The following GRAMD4 variants were observed in gnomAD, a reference collection of about 807,000 sequenced individuals.
GRAMD4 encodes GRAM domain containing 4.
A neutral mutation model predicts 83.9 loss-of-function variants in GRAMD4; 25 were observed. That is an observed-to-expected ratio of 0.30 (90% CI 0.22 to 0.42). The LOEUF is 0.42. GRAMD4 is among the 10% of genes least tolerant of loss of function. The pLI is 1.00. For synonymous variants in GRAMD4, 336 were observed against 320.9 expected, an observed-to-expected ratio of 1.05 and a Z score of -0.50; for missense variants, 593 against 788.7, an observed-to-expected ratio of 0.75 and a Z score of 2.97.
intron 1 of GRAMD4, among the ~76,000 whole-genome samples, chr22:46,612,707 G>A (rs1444229737): frequency 2.0e-5 from 3 of 152,248 alleles, no homozygotes; most frequent in Non-Finnish European, 4.4e-5. Context: ...CCTGGTGCAA[G>A]GAACCTTACT....
chr22:46,675,628 A>C lies in GRAMD4; in HGVS notation c.1563+76A>C. On this transcript the variant is annotated intron_variant, in intron 17 of 18. Transcript: ENST00000406902. ...GACAGAGGCTGGCGAGGCTTTCCCTATAGACTTCTGCCAGCCTCTGTCAGC... is the reference window on the plus strand; with the variant it reads ...GACAGAGGCTGGCGAGGCTTTCCCTCTAGACTTCTGCCAGCCTCTGTCAGC... 1.2e-5 allele frequency: 12 copies of C among 972,104 alleles called. No homozygotes were observed. The South Asian group carries it at 1.5e-4, about 13-fold the overall frequency. 60.2% of individuals were successfully genotyped at this position (972,104 alleles called of 1,614,324 possible).
At chr22:46,605,784 A>G (rs2081359580) in intron 1 of GRAMD4, among the ~76,000 whole-genome samples, 1 of 147,214 alleles carries the variant, frequency 6.8e-6, no homozygotes. Flanking sequence ...GCATCTCTGC[A>G]TGGGCCTATG....
intron 1 of GRAMD4, among the ~76,000 whole-genome samples, chr22:46,603,708 G>C (rs1465742756): frequency 1.4e-5 from 2 of 142,228 alleles, no homozygotes; most frequent in African/African-American, 2.6e-5. Context: ...AGTAGAGACG[G>C]GGTTTCAATG....
intron 3 of GRAMD4, among the ~76,000 whole-genome samples, chr22:46,640,665 T>G (rs1004675540): frequency 2.0e-5 from 3 of 152,126 alleles, no homozygotes; most frequent in African/African-American, 7.2e-5. Context: ...ATTTTTTAAT[T>G]ATGGAAAATT....
intron 10 of GRAMD4, 88 bp downstream of exon 10, chr22:46,666,961 T>C: frequency 1.1e-6 from 1 of 947,906 alleles, no homozygotes; most frequent in Non-Finnish European, 1.6e-6. Flanking sequence ...GGGAAGCCTC[T>C]GGATGAGGCC....
At chr22:46,654,447 G>T (rs929199262) in intron 3 of GRAMD4, among the ~76,000 whole-genome samples, 1 of 152,218 alleles carries the variant, frequency 6.6e-6, no homozygotes, top group African/African-American at 2.4e-5. Flanking sequence ...AGCCCGGCGT[G>T]TGATGATTAC....
chr22:46,595,377 G>A (rs968781351), intron 1 of GRAMD4, among the ~76,000 whole-genome samples: 3 of 152,214 alleles, frequency 2.0e-5, no homozygotes, highest in East Asian at 1.9e-4. Flanking sequence ...CCTGGGTTGT[G>A]AATCTCCCTT....
At chr22:46,594,624 G>C (rs1056784856) in intron 1 of GRAMD4, among the ~76,000 whole-genome samples, 2 of 151,932 alleles carry the variant, frequency 1.3e-5, no homozygotes, top group Non-Finnish European at 2.9e-5. Flanking sequence ...TGGGTACAGA[G>C]ATGTCCAGGG....
chr22:46,677,224 A>G lies in GRAMD4; in HGVS notation c.1710A>G (p.Ser570=). ...TILSQYIKIT[S]AAASGGDS ...TCAGCCAGTACATCAAGATCACCTC[A>G]GCGGCAGCGTCTGGCGGGGACAGCT... The change falls in exon 19 of 19, where the codon TCA becomes TCG. Residue 570 remains serine (S), a synonymous_variant. Transcript: ENST00000406902. 6.2e-7 allele frequency: 1 copy of G among 1,613,430 alleles called. No individual in the cohort carries two copies. Among genetic ancestry groups the G allele is most frequent in the Non-Finnish European group, 8.5e-7 (1 of 1,179,764 alleles).
intron 1 of GRAMD4, among the ~76,000 whole-genome samples, chr22:46,579,214 C>T (rs1038317261): frequency 2.0e-5 from 3 of 152,194 alleles, no homozygotes; most frequent in Admixed American, 2.0e-4. Context: ...GGGAAAGAAC[C>T]AGGTGGTCTC....
rs748047485 is a variant in GRAMD4, at chr22:46,678,293, C to T, written c.*1042C>T. 7.4e-5 allele frequency: 73 copies of T among 985,336 alleles called. No homozygotes were observed. Among genetic ancestry groups the T allele is most frequent in the East Asian group, 1.1e-4 (1 of 8,826 alleles). The allele number at this position is 985,336 out of a possible 1,614,324, so 61.0% of individuals were successfully genotyped here. On this transcript the variant is annotated 3_prime_UTR_variant, in exon 19 of 19. Transcript: ENST00000406902. ...CAGCCCCTGTGCTTTAGGGAGCAAC[C>T]GTGAGCCGAGCCCAGAGGCCTGGGC... is the stretch of plus-strand genomic sequence containing the variant.
In GRAMD4 at chr22:46,659,479, A is replaced by G. The variant is rs766036931; in HGVS notation, c.404+1172A>G. Reference sequence around the variant, plus strand: ...GATGGCTGTCACCAGTTAGGGAGGCACACGGCATCTCTGGGACACCCCAGC... The same window carrying G: ...GATGGCTGTCACCAGTTAGGGAGGCGCACGGCATCTCTGGGACACCCCAGC... On this transcript the variant is annotated intron_variant, in intron 4 of 18. Transcript: ENST00000406902. The surrounding 1 kb of genome is among the most constrained non-coding windows in gnomAD (Gnocchi z 4.1). 1.4e-4 allele frequency among the ~76,000 whole-genome samples: 21 copies of G among 152,320 alleles called. No individual in the cohort carries two copies. The highest frequency in any genetic ancestry group is 3.3e-4 in the Admixed American group (5 of 15,308).
At chr22:46,607,017 G>A (rs894975311) in intron 1 of GRAMD4, among the ~76,000 whole-genome samples, 13 of 152,308 alleles carry the variant, frequency 8.5e-5, no homozygotes, top group African/African-American at 3.1e-4. Flanking sequence ...AGGCCAGAGC[G>A]TTTGCCTGAG....
chr22:46,602,652 ACT>A (rs2081322342), intron 1 of GRAMD4, among the ~76,000 whole-genome samples: 1 of 150,608 alleles, frequency 6.6e-6, no homozygotes, highest in Non-Finnish European at 1.5e-5. Flanking sequence ...ACAGAGTGAG[ACT>A]CTGTCTCAAA....
At chr22:46,603,848 C>A (rs963992307) in intron 1 of GRAMD4, among the ~76,000 whole-genome samples, 2 of 152,150 alleles carry the variant, frequency 1.3e-5, no homozygotes, top group East Asian at 3.9e-4. Context: ...TTCCTCATCT[C>A]GCTGTGACAG....
chr22:46,637,914 G>A lies in GRAMD4; in HGVS notation c.237G>A (p.Glu79=). 6.2e-7 allele frequency: 1 copy of A among 1,614,054 alleles called. No individual in the cohort carries two copies. Among genetic ancestry groups the A allele is most frequent in the East Asian group, 2.2e-5 (1 of 44,886 alleles). ...FNRTEFDRLN[E]IKGHLEIALL... is the part of the protein sequence containing the mutation. Reference sequence around the variant, plus strand: ...GGACAGAGTTTGATCGACTGAATGAGATCAAAGGTCACCTGGAAATTGCCT... The same window carrying A: ...GGACAGAGTTTGATCGACTGAATGAAATCAAAGGTCACCTGGAAATTGCCT... Residue 79 remains glutamate, a synonymous_variant, in exon 3 of 19, where the codon GAG becomes GAA. Coordinates refer to ENST00000406902, the MANE Select transcript of GRAMD4 (RefSeq NM_015124.5).
chr22:46,576,786 C>A (rs1352212742), upstream of GRAMD4, among the ~76,000 whole-genome samples: 1 of 3,638 alleles, frequency 2.7e-4, no homozygotes, highest in African/African-American at 2.5e-3. Context: ...CAGCAGCGAG[C>A]GTGCTCCCGC....
intron 3 of GRAMD4, among the ~76,000 whole-genome samples, chr22:46,650,358 C>CGTGTCGAGGCTGGGTGGAGGGCTGA (rs2082146223): frequency 8.2e-6 from 1 of 121,712 alleles, no homozygotes; most frequent in Non-Finnish European, 1.8e-5. Context: ...TGGAGGGCTG[C>CGTGTCGAGGCTGGGTGGAGGGCTGA]GTGTCGAGGC....
At chr22:46,660,905 C>T (rs1396840284) in intron 4 of GRAMD4, among the ~76,000 whole-genome samples, 1 of 152,198 alleles carries the variant, frequency 6.6e-6, no homozygotes, top group African/African-American at 2.4e-5. Flanking sequence ...GGAAGCAGAC[C>T]CTAGTGGCCG....
Sources: gnomAD v4.1 joint callset for allele counts (sites outside exome capture counted in the v4.1 genomes callset) on GRCh38, gnomAD v4.1.1 for gene constraint, Gnocchi (gnomAD v3.1) non-coding constraint, MANE v1.5 for transcripts, NCBI Gene and HGNC (gene_info 2026-07-23, HGNC 2026-07-21) for gene names.